TRIM66: variants seen among roughly 807,000 people sequenced by gnomAD.
TRIM66 encodes the protein tripartite motif-containing protein 66.
Under a neutral mutation model 148.2 loss-of-function variants are expected in TRIM66, and 99 were observed. The ratio of observed to expected loss-of-function variants is 0.67; its 90% confidence interval spans 0.57 to 0.79. The LOEUF (loss-of-function observed/expected upper bound fraction) is 0.79, where lower values mean the gene tolerates loss of function less well. TRIM66 is among the 30% of genes least tolerant of loss of function. The pLI is 0.00. For missense variants in TRIM66, 1,666 were observed against 1,697.9 expected (o/e 0.98, Z 0.33); for synonymous variants, 616 against 635.9 (o/e 0.97, Z 0.47).
intron 6 of TRIM66, among the ~76,000 whole-genome samples, chr11:8,663,824 GACA>G (rs551493277): frequency 2.0e-4 from 30 of 152,224 alleles, no homozygotes; most frequent in African/African-American, 7.0e-4. Context: ...TGTCATTTGT[GACA>G]ACATGGTTGT....
intron 11 of TRIM66, 89 bp downstream of exon 11, chr11:8,646,358 T>C (rs2036845531): frequency 9.4e-7 from 1 of 1,068,104 alleles, no homozygotes; most frequent in Non-Finnish European, 1.4e-6. Flanking sequence ...ATATCTGAAT[T>C]ACAGCCTAGG....
chr11:8,621,504 C>T (rs763472213), intron 19 of TRIM66, 141 bp downstream of exon 19: 4 of 1,291,968 alleles, frequency 3.1e-6, no homozygotes, highest in Non-Finnish European at 4.1e-6. Context: ...CAGGACCTTG[C>T]AGCAGGGGAC....
rs2033700966 is a variant in TRIM66 at position 8,616,071 on chromosome 11, A to G, written c.*1873T>C. On this transcript the variant is annotated 3_prime_UTR_variant, in exon 25 of 25. Transcript: ENST00000646038. ...TGACCAGACCCCAAACCAGAAAGTC[A>G]TGTGAGTCTCAAAGGGCAGAAGCCT... is the stretch of plus-strand genomic sequence containing the variant. 6.6e-6 allele frequency: 1 copy of G among 152,280 alleles called. No homozygotes were observed. Among genetic ancestry groups the G allele is most frequent in the South Asian group, 2.1e-4 (1 of 4,836 alleles). The allele number at this position is 152,280 out of a possible 1,614,324, so 9.4% of individuals were successfully genotyped here. A position where few individuals can be genotyped will look rare whatever the true frequency, so the allele number is the denominator to read the frequency against.
intron 6 of TRIM66, among the ~76,000 whole-genome samples, chr11:8,669,116 C>A (rs1166920859): frequency 6.6e-6 from 1 of 152,182 alleles, no homozygotes; most frequent in Non-Finnish European, 1.5e-5. Context: ...ATCATCAAAG[C>A]TGACAAAAGG....
At chr11:8,623,295 C>A (rs1214391693) in intron 17 of TRIM66, among the ~76,000 whole-genome samples, 1 of 152,200 alleles carries the variant, frequency 6.6e-6, no homozygotes, top group Non-Finnish European at 1.5e-5. Context: ...AGCTCACACT[C>A]CATGGAAAAG....
intron 12 of TRIM66, 43 bp from the exon 13 acceptor site, chr11:8,643,169 C>G (rs1403424444): frequency 9.3e-6 from 14 of 1,504,928 alleles, no homozygotes; most frequent in Non-Finnish European, 1.2e-5. Context: ...CATCTTGCAC[C>G]TAAATGACAA....
intron 3 of TRIM66, among the ~76,000 whole-genome samples, chr11:8,675,095 A>G (rs976705947): frequency 1.3e-5 from 2 of 152,238 alleles, no homozygotes; most frequent in Non-Finnish European, 2.9e-5. Flanking sequence ...AACACCAAGC[A>G]TTGGTCATTT....
intron 17 of TRIM66, 29 bp downstream of exon 17, chr11:8,624,330 A>G: frequency 1.3e-6 from 2 of 1,545,386 alleles, no homozygotes; most frequent in Non-Finnish European, 1.7e-6. Flanking sequence ...TCTGTGGCCA[A>G]CATGAAGGGC....
chr11:8,655,093 C>G (rs888927578), intron 6 of TRIM66, among the ~76,000 whole-genome samples: 9 of 152,252 alleles, frequency 5.9e-5, no homozygotes, highest in Admixed American at 5.9e-4. Context: ...CTCCTGACCT[C>G]AAGTGATCCA....
At chr11:8,622,365 C>CACATAT in intron 18 of TRIM66, among the ~76,000 whole-genome samples, 48 of 59,612 alleles carry the variant, frequency 8.1e-4, no homozygotes, top group African/African-American at 2.7e-3. Context: ...CACACACACA[C>CACATAT]ATATATATAT....
In TRIM66 at chr11:8,646,444, T is replaced by C. The variant is rs1304715248; in HGVS notation, c.957+3A>G. 3.2e-6 allele frequency: 5 copies of C among 1,551,380 alleles called. No homozygotes were observed. The highest frequency in any genetic ancestry group is 2.7e-5 in the African/African-American group (2 of 73,150). Reference sequence around the variant, plus strand: ...ACCATCTGATCCATCTGTCTATACATACCTCTAATTCCTCTATTAGCCCAT... The same window carrying C: ...ACCATCTGATCCATCTGTCTATACACACCTCTAATTCCTCTATTAGCCCAT... On this transcript the variant is annotated splice_donor_region_variant and intron_variant, in intron 11 of 24. Transcript: ENST00000646038.
chr11:8,676,260 G>A (rs2039172336), intron 3 of TRIM66, among the ~76,000 whole-genome samples: 1 of 150,814 alleles, frequency 6.6e-6, no homozygotes, highest in African/African-American at 2.4e-5. Flanking sequence ...ACCGGCAGAT[G>A]CTTAGTGGTA....
At chr11:8,673,100 G>A (rs2039019276) in intron 4 of TRIM66, among the ~76,000 whole-genome samples, 1 of 151,388 alleles carries the variant, frequency 6.6e-6, no homozygotes, top group East Asian at 2.0e-4. Context: ...CCACCGCCCT[G>A]GCTAATTTTT....
chr11:8,639,772 C>T (rs2036201984), intron 14 of TRIM66, among the ~76,000 whole-genome samples: 1 of 152,216 alleles, frequency 6.6e-6, no homozygotes, highest in Non-Finnish European at 1.5e-5. Flanking sequence ...TATAAAAGTG[C>T]TGCCTGCCAG....
intron 6 of TRIM66, chr11:8,654,343 CTG>C (rs1037748474): frequency 6.6e-6 from 1 of 152,242 alleles, no homozygotes; most frequent in African/African-American, 2.4e-5. Flanking sequence ...TTGCATGACT[CTG>C]TGTCTGTGAA....
chr11:8,630,385 C>A (rs933821743), intron 15 of TRIM66, among the ~76,000 whole-genome samples: 2 of 152,164 alleles, frequency 1.3e-5, no homozygotes, highest in Non-Finnish European at 2.9e-5. Flanking sequence ...CTATAAAGTA[C>A]GTAGAGGGTT....
intron 15 of TRIM66, among the ~76,000 whole-genome samples, chr11:8,627,496 C>T (rs1220241149): frequency 6.6e-6 from 1 of 152,204 alleles, no homozygotes; most frequent in Non-Finnish European, 1.5e-5. Flanking sequence ...TCCATGTGAA[C>T]ATTTAGAACA....
At chr11:8,625,463 TTGTGTGTGTGTGTG>T (rs147088164) in intron 15 of TRIM66, among the ~76,000 whole-genome samples, 10 of 148,140 alleles carry the variant, frequency 6.8e-5, no homozygotes, top group Non-Finnish European at 1.0e-4. Context: ...CGGAGAACTA[TTGTGTGTGTGTGTG>T]TGTGTGTGTG....
chr11:8,627,581 A>G (rs2034975089), intron 15 of TRIM66, among the ~76,000 whole-genome samples: 1 of 152,174 alleles, frequency 6.6e-6, no homozygotes, highest in African/African-American at 2.4e-5. Flanking sequence ...TATTGTTATT[A>G]TTGTTGCTGC....
Sources: gnomAD v4.1 joint callset for allele counts (sites outside exome capture counted in the v4.1 genomes callset) on GRCh38, gnomAD v4.1.1 for gene constraint, MANE v1.5 for transcripts, NCBI Gene and HGNC (gene_info 2026-07-23, HGNC 2026-07-21) for gene names.